Variants in ATF2 observed in about 807,000 individuals in gnomAD.
ATF2 encodes activating transcription factor 2, also known as cyclic AMP-dependent transcription factor ATF-2.
A neutral mutation model predicts 60.6 loss-of-function variants in ATF2; 24 were observed. The observed-to-expected ratio is 0.40, with a 90% CI of 0.29 to 0.56. The LOEUF (loss-of-function observed/expected upper bound fraction) is 0.56. Ranked by LOEUF, ATF2 falls within the 20% of genes least tolerant of loss-of-function variation. ATF2 has a pLI of 0.54. For missense variants in ATF2, 433 were observed against 607.7 expected, an observed-to-expected ratio of 0.71 and a Z score of 3.02; for synonymous variants, 206 against 215.4, an observed-to-expected ratio of 0.96 and a Z score of 0.38.
rs193160738 is a variant in ATF2 at position 175,106,090 on chromosome 2, G to A, written c.828+5478C>T. 5.2e-3 allele frequency among the ~76,000 whole-genome samples: 796 copies of A among 151,954 alleles called. 5 individuals are homozygous for A. The highest frequency in any genetic ancestry group is 0.018 in the African/African-American group (749 of 41,442). ...GCAAATTAAGCTTAATTAAGTAGGA[G>A]AAAACAAATATTAAAGACAAAAGTA... On this transcript the variant is annotated intron_variant, in intron 10 of 13. Transcript: ENST00000264110.
intron 10 of ATF2, among the ~76,000 whole-genome samples, chr2:175,102,669 T>G (rs191463398): frequency 1.1e-3 from 170 of 151,790 alleles, no homozygotes; most frequent in Non-Finnish European, 1.4e-3. Flanking sequence ...CTCAGGAGGC[T>G]GAGGCAGGAG....
At chr2:175,081,744 A>T (rs1457092886) in intron 12 of ATF2, among the ~76,000 whole-genome samples, 2 of 152,214 alleles carry the variant, frequency 1.3e-5, no homozygotes, top group African/African-American at 4.8e-5. Flanking sequence ...TCTTAAGCAG[A>T]AAGCTGAATG....
intron 2 of ATF2, among the ~76,000 whole-genome samples, chr2:175,142,283 T>TCAAG (rs1285234018): frequency 6.6e-6 from 1 of 151,504 alleles, no homozygotes; most frequent in East Asian, 1.9e-4. Flanking sequence ...CCTGCCAGGT[T>TCAAG]CAAGCCTCCA....
intron 7 of ATF2, among the ~76,000 whole-genome samples, chr2:175,116,175 T>C (rs1264111317): frequency 6.6e-6 from 1 of 152,096 alleles, no homozygotes; most frequent in East Asian, 1.9e-4. Flanking sequence ...AAAGTCATCT[T>C]ACAGAAAATG....
intron 10 of ATF2, among the ~76,000 whole-genome samples, chr2:175,102,255 T>A (rs1254087745): frequency 6.6e-6 from 1 of 152,182 alleles, no homozygotes; most frequent in Non-Finnish European, 1.5e-5. Context: ...AAACTCTATT[T>A]GTTGACTCCC....
At position 175,090,771 on chromosome 2, in the gene ATF2, T is replaced by C. The variant is rs1440430556; in HGVS notation, c.1185+2290A>G. Among the ~76,000 whole-genome samples, 3 of 152,240 alleles carry C rather than the reference T, an allele frequency of 2.0e-5. No individual in the cohort carries two copies. In the East Asian group the frequency reaches 5.8e-4, roughly 29 times the overall value. ...AAAATGATGTCAGCAAACTTCTACC[T>C]AATGATAAATCTTATCTTTATTTCT... On this transcript the variant is annotated intron_variant, in intron 12 of 13. Coordinates refer to ENST00000264110, the MANE Select transcript of ATF2 (RefSeq NM_001880.4).
chr2:175,112,040 GC>G lies in ATF2; in HGVS notation c.742-387del, dbSNP rs549499298. On this transcript the variant is annotated intron_variant, in intron 9 of 13. Transcript: ENST00000264110. The stretch of plus-strand genomic sequence containing the variant: ...AAAAATAATTTCAACAATGAATTTT[GC>G]TTTTCTAAAAATATATACAATGAAT... Among the ~76,000 whole-genome samples, 24 of 152,236 alleles carry G rather than the reference GC, an allele frequency of 1.6e-4. No individual in the cohort carries two copies. The South Asian group carries it at 5.0e-3, about 32-fold the overall frequency.
chr2:175,106,621 A>C (rs923842419), intron 10 of ATF2, among the ~76,000 whole-genome samples: 3 of 152,004 alleles, frequency 2.0e-5, no homozygotes, highest in African/African-American at 7.3e-5. Context: ...AGATCACTTA[A>C]GGTCAGGAGT....
chr2:175,102,761 G>GAAA (rs758242891), intron 10 of ATF2, among the ~76,000 whole-genome samples: 1 of 132,140 alleles, frequency 7.6e-6, no homozygotes. Flanking sequence ...AAAAAAAGAG[G>GAAA]AAAAAAAAAA....
chr2:175,075,989 T>C (rs1194522416), intron 13 of ATF2, among the ~76,000 whole-genome samples: 1 of 152,166 alleles, frequency 6.6e-6, no homozygotes, highest in East Asian at 1.9e-4. Context: ...TAAAATCAAA[T>C]CTAAGAATGT....
intron 12 of ATF2, among the ~76,000 whole-genome samples, chr2:175,086,267 T>A (rs992716289): frequency 6.6e-6 from 1 of 152,196 alleles, no homozygotes; most frequent in South Asian, 2.1e-4. Context: ...GTCGATTTCA[T>A]TAAAAGATGG....
chr2:175,094,741 T>A (rs1185536909), intron 11 of ATF2, among the ~76,000 whole-genome samples: 1 of 152,122 alleles, frequency 6.6e-6, no homozygotes, highest in African/African-American at 2.4e-5. Flanking sequence ...ATAAAGTATT[T>A]CACGCCTGGG....
Position 175,167,863 on chromosome 2 carries a change from C to T in ATF2, c.-143+187G>A, listed in dbSNP as rs1287634025. On this transcript the variant is annotated intron_variant, in intron 1 of 13. Transcript: ENST00000264110. Reference sequence around the variant, plus strand: ...CCAGTCAGGTTCCCAAAGCCCACACCGCGCGGGCCGCCGAGGTGGCAGCAC... The same window carrying T: ...CCAGTCAGGTTCCCAAAGCCCACACTGCGCGGGCCGCCGAGGTGGCAGCAC... 11 of 395,848 alleles carry T rather than the reference C, an allele frequency of 2.8e-5. No individual in the cohort carries two copies. In the Admixed American group the frequency reaches 3.2e-4, roughly 12 times the overall value. The allele number at this position is 395,848 out of a possible 1,614,324, so 24.5% of individuals were successfully genotyped here.
At chr2:175,136,220 T>G (rs1489018105) in intron 3 of ATF2, among the ~76,000 whole-genome samples, 192 bp downstream of exon 3, 1 of 152,116 alleles carries the variant, frequency 6.6e-6, no homozygotes, top group South Asian at 2.1e-4. Flanking sequence ...CATAGCTAAG[T>G]GTACTTAGAT....
At position 175,142,718 on chromosome 2, in the gene ATF2, AGAGTGTGT is replaced by A. The variant is rs1197556506; in HGVS notation, c.-43-6240_-43-6233del. On this transcript the variant is annotated intron_variant, in intron 2 of 13. Coordinates refer to ENST00000264110, the MANE Select transcript of ATF2 (RefSeq NM_001880.4). ...GAGAGAGAGAGAGAGAGAGAGAGAG[AGAGTGTGT>A]GTGTGTGTGTGTGTGTGTGTGTGTG... 4.7e-4 allele frequency among the ~76,000 whole-genome samples: 53 copies of A among 113,438 alleles called. No homozygotes were observed. In the South Asian group the frequency reaches 5.2e-3, roughly 11 times the overall value. 74.4% of individuals were successfully genotyped at this position (113,438 alleles called of 152,430 possible).
intron 10 of ATF2, among the ~76,000 whole-genome samples, chr2:175,105,700 A>G (rs1487875754): frequency 6.6e-6 from 1 of 152,214 alleles, no homozygotes; most frequent in Admixed American, 6.5e-5. Context: ...CCAGCATAGC[A>G]ATATCTACTG....
At chr2:175,115,164 T>A (rs1320877467) in intron 7 of ATF2, among the ~76,000 whole-genome samples, 4 of 151,698 alleles carry the variant, frequency 2.6e-5, no homozygotes, top group Admixed American at 2.0e-4. Context: ...CCAAGAGAAT[T>A]TTAATAAAAA....
At chr2:175,103,485 T>C (rs564498188) in intron 10 of ATF2, among the ~76,000 whole-genome samples, 1 of 152,208 alleles carries the variant, frequency 6.6e-6, no homozygotes, top group African/African-American at 2.4e-5. Context: ...ATTTGCTGAT[T>C]AGCTCGGCAT....
rs543300823 is a variant in ATF2 at position 175,160,945 on chromosome 2, G to A, written c.-143+7105C>T. ...CCCAGCTATTTGGGAGGCTTAGGTG[G>A]GAAGATCTCTCGAGCCCCAGAGGTG... On this transcript the variant is annotated intron_variant, in intron 1 of 13. Transcript: ENST00000264110. 7.9e-5 allele frequency among the ~76,000 whole-genome samples: 12 copies of A among 152,206 alleles called. No homozygotes were observed. The East Asian group carries it at 2.1e-3, about 27-fold the overall frequency.
Sources: gnomAD v4.1 joint callset for allele counts (sites outside exome capture counted in the v4.1 genomes callset) on GRCh38, gnomAD v4.1.1 for gene constraint, MANE v1.5 for transcripts, NCBI Gene and HGNC (gene_info 2026-07-23, HGNC 2026-07-21) for gene names.